CHD5: variants seen among roughly 807,000 people sequenced by gnomAD.
The protein encoded by CHD5 is ATP-dependent chromatin remodeler CHD5.
Under a neutral mutation model 230.3 loss-of-function variants are expected in CHD5, and 69 were observed. That is an observed-to-expected ratio of 0.30 (90% CI 0.25 to 0.37). The LOEUF is 0.37. CHD5 is among the 10% of genes least tolerant of loss of function. CHD5 has a pLI of 1.00. For synonymous variants in CHD5, 1,064 were observed against 1,065.9 expected (o/e 1.00, Z 0.03); for missense variants, 1,827 against 2,622.8 (o/e 0.70, Z 6.63).
chr1:6,158,753 A>G (rs1667117944), intron 3 of CHD5, among the ~76,000 whole-genome samples: 1 of 152,116 alleles, frequency 6.6e-6, no homozygotes, highest in African/African-American at 2.4e-5. Flanking sequence ...CACACCTGTA[A>G]TCCCAGCACT....
intron 3 of CHD5, among the ~76,000 whole-genome samples, chr1:6,158,611 G>A (rs1281206021): frequency 1.3e-5 from 2 of 152,116 alleles, no homozygotes; most frequent in South Asian, 4.1e-4. Context: ...CTGGACAACA[G>A]AGCAAAACTC....
chr1:6,110,387 G>A lies in CHD5; in HGVS notation c.5382+7C>T, dbSNP rs1191277459. 4 of 1,613,750 alleles carry A rather than the reference G, an allele frequency of 2.5e-6. No individual in the cohort carries two copies. Among genetic ancestry groups the A allele is most frequent in the African/African-American group, 1.3e-5 (1 of 74,930 alleles). ...CCCGTGCAGCCCTGGCCCTTCAGAA[G>A]ACAGACCTTAAACCTGCGGGCCAGG... On this transcript the variant is annotated splice_region_variant and intron_variant, in intron 37 of 41. Transcript: ENST00000262450.
In CHD5 at chr1:6,129,831, A is replaced by C. The variant is rs1666625800; in HGVS notation, c.3387+373T>G. Among the ~76,000 whole-genome samples, 3 of 142,100 alleles carry C rather than the reference A, an allele frequency of 2.1e-5. No individual in the cohort carries two copies. The highest frequency in any genetic ancestry group is 2.3e-4 in the South Asian group (1 of 4,388). 93.2% of individuals were successfully genotyped at this position (142,100 alleles called of 152,430 possible). A position where few individuals can be genotyped will look rare whatever the true frequency, so the allele number is the denominator to read the frequency against. On this transcript the variant is annotated intron_variant, in intron 22 of 41. Coordinates refer to ENST00000262450, the MANE Select transcript of CHD5 (RefSeq NM_015557.3). This position sits in a 1 kb window ranked among gnomAD's most constrained non-coding sequence, Gnocchi z 6.8. ...CAACAGGCCCCACTCTCTGCTCCCCACCCCCTTCAAAATGGGTGCCCCTCT... is the reference window on the plus strand; with the variant it reads ...CAACAGGCCCCACTCTCTGCTCCCCCCCCCCTTCAAAATGGGTGCCCCTCT...
intron 1 of CHD5, among the ~76,000 whole-genome samples, chr1:6,177,517 G>C (rs1419046748): frequency 6.6e-6 from 1 of 152,218 alleles, no homozygotes; most frequent in African/African-American, 2.4e-5. Context: ...TCGAGTATGT[G>C]AGGTGTGGTG....
chr1:6,172,611 C>G (rs1018623565), intron 1 of CHD5, among the ~76,000 whole-genome samples: 5 of 152,090 alleles, frequency 3.3e-5, no homozygotes, highest in African/African-American at 1.2e-4. Context: ...TGAACACAGG[C>G]AGTGGGCGCC....
intron 6 of CHD5, 121 bp from the exon 7 acceptor site, chr1:6,151,276 T>C (rs1403314783): frequency 9.1e-6 from 11 of 1,214,610 alleles, no homozygotes; most frequent in Non-Finnish European, 1.2e-5. Flanking sequence ...CTCTCTGTGA[T>C]TCATCTCAGC....
In CHD5 at chr1:6,130,478, GC is replaced by G; in HGVS notation, c.3263-151del. 1.3e-6 allele frequency: 1 copy of G among 748,914 alleles called. No homozygotes were observed. The allele number at this position is 748,914 out of a possible 1,614,324, so 46.4% of individuals were successfully genotyped here. On this transcript the variant is annotated intron_variant, in intron 21 of 41. Coordinates refer to ENST00000262450, the MANE Select transcript of CHD5 (RefSeq NM_015557.3). This position sits in a 1 kb window ranked among gnomAD's most constrained non-coding sequence, Gnocchi z 4.9. The stretch of plus-strand genomic sequence containing the variant: ...CCGGAGACCCCATCAGAGACGGGTG[GC>G]CACAGCTGCACTCAGGGGAGCCAGA...
chr1:6,110,267 C>T lies in CHD5; in HGVS notation c.5382+127G>A, dbSNP rs555881624. ...CTGTTAGTTGATGGACATACTGCTG[C>T]TTCGTGGCAGCGTGACCCAGGTACA... On this transcript the variant is annotated intron_variant, in intron 37 of 41. Coordinates refer to ENST00000262450, the MANE Select transcript of CHD5 (RefSeq NM_015557.3). The T allele has an allele frequency of 7.2e-6, 8 of 1,117,844 alleles. No individual in the cohort carries two copies. In the South Asian group the frequency reaches 1.0e-4, roughly 14 times the overall value. The allele number at this position is 1,117,844 out of a possible 1,614,324, so 69.2% of individuals were successfully genotyped here.
chr1:6,171,629 T>C (rs1361000145), intron 1 of CHD5, among the ~76,000 whole-genome samples: 1 of 152,184 alleles, frequency 6.6e-6, no homozygotes, highest in Non-Finnish European at 1.5e-5. Flanking sequence ...GGGGTCACCA[T>C]ACAAGCAACT....
At chr1:6,149,522 G>A in intron 7 of CHD5, 110 bp from the exon 8 acceptor site, 3 of 1,094,608 alleles carry the variant, frequency 2.7e-6, no homozygotes, top group Non-Finnish European at 3.8e-6. Flanking sequence ...AATAGAGGGT[G>A]GATGGAAAGG....
At chr1:6,148,566 G>C (rs1666946701) in intron 9 of CHD5, among the ~76,000 whole-genome samples, 1 of 152,226 alleles carries the variant, frequency 6.6e-6, no homozygotes, top group Admixed American at 6.5e-5. Flanking sequence ...AGAGCACGTG[G>C]TCACTGAACA....
chr1:6,151,284 A>C, intron 6 of CHD5, 129 bp from the exon 7 acceptor site: 6 of 1,078,114 alleles, frequency 5.6e-6, no homozygotes, highest in Non-Finnish European at 7.5e-6. Context: ...GATTCATCTC[A>C]GCCCCCAACA....
chr1:6,161,744 G>A (rs1667180992), intron 2 of CHD5, among the ~76,000 whole-genome samples: 2 of 152,202 alleles, frequency 1.3e-5, no homozygotes, highest in South Asian at 4.1e-4. Context: ...CCCTTCAGGA[G>A]ATCTGAGAGA....
chr1:6,137,622 C>G (rs775178934), intron 15 of CHD5, among the ~76,000 whole-genome samples: 1 of 152,212 alleles, frequency 6.6e-6, no homozygotes. Flanking sequence ...CGTGAGCTAC[C>G]GCACCTGGCC....
intron 1 of CHD5, among the ~76,000 whole-genome samples, chr1:6,176,804 G>C (rs1347354972): frequency 6.6e-6 from 1 of 152,186 alleles, no homozygotes. Context: ...TGCCTGGCTT[G>C]TCCAAGACCA....
chr1:6,178,044 G>T (rs965645942), intron 1 of CHD5, among the ~76,000 whole-genome samples: 3 of 152,216 alleles, frequency 2.0e-5, no homozygotes, highest in African/African-American at 7.2e-5. Context: ...AACATGGAGA[G>T]AAGCCAGGAG....
rs913436835 is a variant in CHD5, at chr1:6,105,576, C to T, written c.*47-149G>A. 4 of 337,494 alleles carry T rather than the reference C, an allele frequency of 1.2e-5. No homozygotes were observed. Among genetic ancestry groups the T allele is most frequent in the African/African-American group, 4.4e-5 (2 of 45,936 alleles). 20.9% of individuals were successfully genotyped at this position (337,494 alleles called of 1,614,324 possible). A position where few individuals can be genotyped will look rare whatever the true frequency, so the allele number is the denominator to read the frequency against. On this transcript the variant is annotated intron_variant, in intron 41 of 41. Transcript: ENST00000262450. The surrounding 1 kb of genome is among the most constrained non-coding windows in gnomAD (Gnocchi z 4.8). ...CCATGACCTCCCAGCCACAGGCTGC[C>T]GGGCCAGGCCATGAGCTACACCCAG...
At chr1:6,132,152 C>T (rs1666667592) in intron 20 of CHD5, among the ~76,000 whole-genome samples, 1 of 152,148 alleles carries the variant, frequency 6.6e-6, no homozygotes, top group South Asian at 2.1e-4. Flanking sequence ...ACATAAACAT[C>T]ACCTCTGTGA....
chr1:6,179,975 C>T lies in CHD5; in HGVS notation c.49G>A (p.Glu17Lys). Residue 17 changes from glutamate to lysine, a missense_variant, in exon 1 of 42, where the codon GAG becomes AAG. Glu to Lys is a moderately conservative substitution (Grantham distance 56). This residue lies in a region of CHD5 where 113 missense variants were observed against 91.9 expected (regional missense o/e 1.23). Transcript: ENST00000262450. The part of the protein sequence containing the change: ...TEEELPRLFA[E>K]EMENEDEMSE... ...ATCTCGTCCTCATTCTCCATCTCCTCGGCGAACAGCCGCGGCAGCTCCTCC... is the reference window on the plus strand; with the variant it reads ...ATCTCGTCCTCATTCTCCATCTCCTTGGCGAACAGCCGCGGCAGCTCCTCC... 7.2e-7 allele frequency: 1 copy of T among 1,381,102 alleles called. No individual in the cohort carries two copies. The highest frequency in any genetic ancestry group is 1.3e-5 in the South Asian group (1 of 75,052). 85.6% of individuals were successfully genotyped at this position (1,381,102 alleles called of 1,614,324 possible). A position where few individuals can be genotyped will look rare whatever the true frequency, so the allele number is the denominator to read the frequency against.
Sources: gnomAD v4.1 joint callset for allele counts (sites outside exome capture counted in the v4.1 genomes callset) on GRCh38, gnomAD v4.1.1 for gene constraint, gnomAD v4.1.1 regional missense constraint, Gnocchi (gnomAD v3.1) non-coding constraint, MANE v1.5 for transcripts, NCBI Gene and HGNC (gene_info 2026-07-23, HGNC 2026-07-21) for gene names.